Variants in PSD3 observed in about 807,000 individuals in gnomAD.
The protein encoded by PSD3 is PH and SEC7 domain-containing protein 3.
PSD3 carries 49 observed loss-of-function variants against 105.5 expected under a neutral mutation model. The ratio of observed to expected loss-of-function variants is 0.46; its 90% CI spans 0.37 to 0.59. PSD3 has a LOEUF of 0.59. Ranked by LOEUF, PSD3 falls within the 20% of genes least tolerant of loss-of-function variation. The probability of loss-of-function intolerance (pLI) is 0.00; values close to 1 mark genes in which losing one functional copy is unlikely to be tolerated. For synonymous variants in PSD3, 557 were observed against 457.8 expected (o/e 1.22, Z -2.77); for missense variants, 1,561 against 1,263.8 (o/e 1.24, Z -3.57).
In PSD3 at chr8:19,039,833, A is replaced by T. The variant is rs566284058; in HGVS notation, c.324+44373T>A. ...GAAATAGTGGAGAATGAAGGAGAAA[A>T]GTCCCCTCCATCATGGGGCTTACAG... is the stretch of plus-strand genomic sequence containing the variant. On this transcript the variant is annotated intron_variant, in intron 1 of 1. Transcript: ENST00000521475. Among the ~76,000 whole-genome samples, 483 of 152,346 alleles carry T rather than the reference A, an allele frequency of 3.2e-3. 3 individuals are homozygous for T. Among genetic ancestry groups the T allele is most frequent in the African/African-American group, 0.011 (463 of 41,570 alleles).
At chr8:18,997,486 C>A (rs114789341) in intron 1 of PSD3, among the ~76,000 whole-genome samples, 3 of 151,942 alleles carry the variant, frequency 2.0e-5, no homozygotes, top group Non-Finnish European at 4.4e-5. Flanking sequence ...CACTCTTCCC[C>A]GCTTCAGTCT....
intron 4 of PSD3, among the ~76,000 whole-genome samples, chr8:18,835,247 A>T (rs1586173161): frequency 6.6e-6 from 1 of 152,216 alleles, no homozygotes; most frequent in Non-Finnish European, 1.5e-5. Context: ...AAATTACTTA[A>T]GGGTATTTAC....
chr8:18,690,303 T>C (rs752847012), intron 9 of PSD3, among the ~76,000 whole-genome samples: 8 of 152,234 alleles, frequency 5.3e-5, no homozygotes, highest in Non-Finnish European at 1.0e-4. Flanking sequence ...CTGAGTGCTA[T>C]TCCTTTCCAT....
intron 1 of PSD3, among the ~76,000 whole-genome samples, chr8:19,064,207 T>A (rs1174273654): frequency 3.3e-5 from 5 of 151,960 alleles, no homozygotes; most frequent in Admixed American, 3.3e-4. Flanking sequence ...AGTACCTGAG[T>A]TCTAGTTAAT....
At chr8:18,907,814 A>C (rs1407634665) in intron 2 of PSD3, among the ~76,000 whole-genome samples, 1 of 152,236 alleles carries the variant, frequency 6.6e-6, no homozygotes, top group Non-Finnish European at 1.5e-5. Flanking sequence ...ACAAACAGTA[A>C]CATTAATGAT....
intron 3 of PSD3, among the ~76,000 whole-genome samples, chr8:18,869,057 A>G (rs1817149826): frequency 6.6e-6 from 1 of 152,120 alleles, no homozygotes; most frequent in Admixed American, 6.6e-5. Context: ...GTTGTTTTTA[A>G]ATACTGAAGG....
At chr8:18,684,080 C>A in intron 9 of PSD3, 1 of 590,068 alleles carries the variant, frequency 1.7e-6, no homozygotes, top group Non-Finnish European at 3.0e-6. Context: ...AAGCACCAGG[C>A]TGCCTCCCCC....
intron 10 of PSD3, among the ~76,000 whole-genome samples, chr8:18,651,585 G>A (rs1280034045): frequency 6.6e-6 from 1 of 152,156 alleles, no homozygotes; most frequent in East Asian, 1.9e-4. Context: ...GACAAATCCA[G>A]ACATGTATCA....
intron 2 of PSD3, among the ~76,000 whole-genome samples, chr8:18,899,459 C>T (rs753813708): frequency 6.6e-6 from 1 of 152,110 alleles, no homozygotes; most frequent in African/African-American, 2.4e-5. Flanking sequence ...ATGCAATCTT[C>T]CAGACTTTCA....
At chr8:18,667,987 C>T (rs896579903) in intron 9 of PSD3, among the ~76,000 whole-genome samples, 1 of 152,362 alleles carries the variant, frequency 6.6e-6, no homozygotes, top group Non-Finnish European at 1.5e-5. Flanking sequence ...GTGTGGGGCC[C>T]GCGGAAGCCA....
Position 18,620,339 on chromosome 8 carries a change from T to C in PSD3, c.2410+12274A>G, listed in dbSNP as rs538697820. Among the ~76,000 whole-genome samples, 301 of 133,072 alleles carry C rather than the reference T, an allele frequency of 2.3e-3. 1 individual carries two copies. Among genetic ancestry groups the C allele is most frequent in the African/African-American group, 8.3e-3 (282 of 33,844 alleles). The allele number at this position is 133,072 out of a possible 152,430, so 87.3% of individuals were successfully genotyped here. A position where few individuals can be genotyped will look rare whatever the true frequency, so the allele number is the denominator to read the frequency against. ...CTACTTACTGAAGGGTTCTTGGGTT[T>C]GTGTTTTTTTTTTTTTTTTTTCCCC... On this transcript the variant is annotated intron_variant, in intron 11 of 15. Transcript: ENST00000327040.
At chr8:18,852,491 G>A (rs977963470) in intron 4 of PSD3, among the ~76,000 whole-genome samples, 1 of 152,174 alleles carries the variant, frequency 6.6e-6, no homozygotes, top group Admixed American at 6.5e-5. Context: ...TGCCTATGGG[G>A]TACATGTGTA....
chr8:18,704,485 G>A (rs1489243582), intron 9 of PSD3, among the ~76,000 whole-genome samples: 3 of 152,058 alleles, frequency 2.0e-5, no homozygotes, highest in African/African-American at 7.2e-5. Context: ...TTACAGGGAC[G>A]TGCCACCACA....
chr8:18,949,244 A>AAAAAATATATAT (rs1345423514), intron 1 of PSD3, among the ~76,000 whole-genome samples: 1 of 14,406 alleles, frequency 6.9e-5, no homozygotes. Flanking sequence ...AAAAAAAAAA[A>AAAAAATATATAT]ATATATATAT....
intron 1 of PSD3, among the ~76,000 whole-genome samples, chr8:19,067,097 A>G (rs147831310): frequency 1.3e-5 from 2 of 152,334 alleles, no homozygotes; most frequent in East Asian, 3.9e-4. Context: ...TGCAAGACTG[A>G]TGAGTTCTTT....
At chr8:18,846,857 G>A (rs943898759) in intron 4 of PSD3, among the ~76,000 whole-genome samples, 5 of 152,014 alleles carry the variant, frequency 3.3e-5, no homozygotes, top group African/African-American at 7.3e-5. Context: ...TGTTTGGCTT[G>A]GCCCAACAAC....
intron 7 of PSD3, among the ~76,000 whole-genome samples, chr8:18,800,033 C>T (rs1810546111): frequency 6.6e-6 from 1 of 152,096 alleles, no homozygotes; most frequent in Admixed American, 6.6e-5. Context: ...ATAGACACTA[C>T]CAAATGGCTA....
At chr8:18,818,689 C>T (rs988624423) in intron 4 of PSD3, among the ~76,000 whole-genome samples, 3 of 151,968 alleles carry the variant, frequency 2.0e-5, no homozygotes, top group South Asian at 2.1e-4. Flanking sequence ...CCATACCCCC[C>T]CCAACAACCA....
chr8:18,666,024 A>G (rs1799430164), intron 9 of PSD3, among the ~76,000 whole-genome samples: 1 of 152,196 alleles, frequency 6.6e-6, no homozygotes. Context: ...GGCTCCAATG[A>G]CACACATAAT....
Sources: allele counts gnomAD v4.1 joint callset (sites outside exome capture counted in the v4.1 genomes callset), GRCh38; gene constraint gnomAD v4.1.1; transcripts MANE v1.5; gene names NCBI Gene and HGNC (gene_info 2026-07-23, HGNC 2026-07-21).